The following LRIG2 variants were observed in gnomAD, a reference collection of about 807,000 sequenced individuals.
LRIG2 encodes leucine rich repeats and immunoglobulin like domains 2.
LRIG2 carries 93 observed loss-of-function variants against 107.8 expected under a neutral mutation model. The observed-to-expected ratio is 0.86, with a 90% CI of 0.73 to 1.03. LRIG2 has a LOEUF of 1.03. LRIG2 is among the 50% of genes least tolerant of loss of function. The pLI is 0.00. For synonymous variants in LRIG2, 471 were observed against 470.6 expected, an observed-to-expected ratio of 1.00 and a Z score of -0.01; for missense variants, 1,226 against 1,296.0, an observed-to-expected ratio of 0.95 and a Z score of 0.83.
intron 1 of LRIG2, among the ~76,000 whole-genome samples, chr1:113,091,114 AG>A (rs1384495977): frequency 1.3e-5 from 2 of 152,040 alleles, no homozygotes; most frequent in Non-Finnish European, 2.9e-5. Context: ...TTGTATTTTT[AG>A]TAGAGATGGT....
intron 1 of LRIG2, among the ~76,000 whole-genome samples, chr1:113,073,936 G>A (rs1489380265): frequency 7.2e-6 from 1 of 139,142 alleles, no homozygotes; most frequent in Admixed American, 7.9e-5. Context: ...TAATGGTAAG[G>A]ACTCACGGGT....
At chr1:113,100,606 A>C (rs866273454) in intron 11 of LRIG2, 118 bp downstream of exon 11, 2 of 602,184 alleles carry the variant, frequency 3.3e-6, no homozygotes, top group Non-Finnish European at 6.0e-6. Context: ...GGCAGGAAAA[A>C]AGAAAGTATT....
chr1:113,128,866 G>A lies in LRIG2; in HGVS notation c.*4765G>A, dbSNP rs1267228196. ...TGTGACTCACCTTTCTAATGTATTC[G>A]AAGTTATCCCTATAATTATATTACT... On this transcript the variant is annotated 3_prime_UTR_variant, in exon 18 of 18. Coordinates refer to ENST00000361127, the MANE Select transcript of LRIG2 (RefSeq NM_014813.3). 1.3e-5 allele frequency: 2 copies of A among 152,080 alleles called. No homozygotes were observed. Among genetic ancestry groups the A allele is most frequent in the Non-Finnish European group, 2.9e-5 (2 of 68,020 alleles). The allele number at this position is 152,080 out of a possible 1,614,324, so 9.4% of individuals were successfully genotyped here.
chr1:113,081,481 T>C (rs1157630347), intron 1 of LRIG2, among the ~76,000 whole-genome samples: 3 of 151,496 alleles, frequency 2.0e-5, no homozygotes, highest in East Asian at 3.9e-4. Context: ...CGCGCCACCA[T>C]ACCCAGCTAA....
intron 4 of LRIG2, among the ~76,000 whole-genome samples, 194 bp from the exon 5 acceptor site, chr1:113,094,145 T>C (rs1557904060): frequency 1.3e-5 from 2 of 152,244 alleles, no homozygotes; most frequent in African/African-American, 4.8e-5. Context: ...TGCTGTTTTG[T>C]AACAACCTAA....
At chr1:113,116,250 T>C in intron 15 of LRIG2, 37 bp from the exon 16 acceptor site, 1 of 1,577,630 alleles carries the variant, frequency 6.3e-7, no homozygotes. Flanking sequence ...TGGCTTCAAC[T>C]GCCTACCTTT....
At chr1:113,121,276 G>C (rs1234393523) in intron 17 of LRIG2, among the ~76,000 whole-genome samples, 4 of 152,202 alleles carry the variant, frequency 2.6e-5, no homozygotes, top group African/African-American at 9.7e-5. Flanking sequence ...CCCAGGAAAA[G>C]AAATATACAT....
chr1:113,118,724 G>A (rs1655118475), intron 16 of LRIG2, among the ~76,000 whole-genome samples: 1 of 152,010 alleles, frequency 6.6e-6, no homozygotes, highest in Admixed American at 6.6e-5. Context: ...GAGTGCAGTG[G>A]CGTGATCTCG....
rs1381724204 is a variant in LRIG2 at position 113,077,319 on chromosome 1, T to A, written c.239+3674T>A. Among the ~76,000 whole-genome samples the A allele has an allele frequency of 2.0e-5, 3 of 152,132 alleles. No individual in the cohort carries two copies. In the East Asian group the frequency reaches 5.8e-4, roughly 29 times the overall value. ...ACCATGCCCAGCTAATTTTTGTATT[T>A]TTAGTAGAGAAGGGGTTTTGCCATG... On this transcript the variant is annotated intron_variant, in intron 1 of 17. Coordinates refer to ENST00000361127, the MANE Select transcript of LRIG2 (RefSeq NM_014813.3).
At position 113,124,766 on chromosome 1, in the gene LRIG2, T is replaced by C. The variant is rs975871835; in HGVS notation, c.*665T>C. ...ATATGTGTTGGCTGCAATGTAAATA[T>C]TTTTGATATGCCAAAATTATATGTA... On this transcript the variant is annotated 3_prime_UTR_variant, in exon 18 of 18. Coordinates refer to ENST00000361127, the MANE Select transcript of LRIG2 (RefSeq NM_014813.3). 1.3e-5 allele frequency: 2 copies of C among 152,222 alleles called. No homozygotes were observed. The highest frequency in any genetic ancestry group is 2.1e-4 in the South Asian group (1 of 4,834). 9.4% of individuals were successfully genotyped at this position (152,222 alleles called of 1,614,324 possible).
At chr1:113,090,857 T>TAAA (rs1653785055) in intron 1 of LRIG2, among the ~76,000 whole-genome samples, 1 of 38,242 alleles carries the variant, frequency 2.6e-5, no homozygotes, top group Non-Finnish European at 8.1e-5. Flanking sequence ...ACAAAAAAAT[T>TAAA]TTTTTTTTTT....
chr1:113,102,999 G>A (rs949291879), intron 11 of LRIG2, among the ~76,000 whole-genome samples: 2 of 86,908 alleles, frequency 2.3e-5, no homozygotes, highest in Admixed American at 1.3e-4. Flanking sequence ...AGTATACTCC[G>A]CCCCCCTCCT....
intron 1 of LRIG2, among the ~76,000 whole-genome samples, chr1:113,076,838 G>T (rs1322091579): frequency 6.6e-6 from 1 of 152,024 alleles, no homozygotes; most frequent in Non-Finnish European, 1.5e-5. Context: ...AATATTATTT[G>T]ATCATTCAGA....
chr1:113,113,173 C>T (rs894232882), intron 14 of LRIG2, among the ~76,000 whole-genome samples: 4 of 145,044 alleles, frequency 2.8e-5, no homozygotes, highest in Non-Finnish European at 4.5e-5. Context: ...GACTATTTAA[C>T]TGTTTGCTCC....
At position 113,073,268 on chromosome 1, in the gene LRIG2, G is replaced by T; in HGVS notation, c.-139G>T. ...CGCTGTCGCGCTGCGTCTGCTCCTT[G>T]CATGCCTTTAGATGGTACAGCCTTC... On this transcript the variant is annotated 5_prime_UTR_variant, in exon 1 of 18. Transcript: ENST00000361127. The T allele has an allele frequency of 4.1e-6, 3 of 725,632 alleles. No homozygotes were observed. The highest frequency in any genetic ancestry group is 7.1e-6 in the Non-Finnish European group (3 of 420,642). 44.9% of individuals were successfully genotyped at this position (725,632 alleles called of 1,614,324 possible). A position where few individuals can be genotyped will look rare whatever the true frequency, so the allele number is the denominator to read the frequency against.
intron 1 of LRIG2, among the ~76,000 whole-genome samples, chr1:113,083,119 C>T (rs1653364215): frequency 2.0e-5 from 3 of 152,046 alleles, no homozygotes; most frequent in Admixed American, 2.0e-4. Flanking sequence ...CCATGTTGCC[C>T]AGGCTGGTCT....
chr1:113,074,724 T>C (rs926874031), intron 1 of LRIG2, among the ~76,000 whole-genome samples: 2 of 149,816 alleles, frequency 1.3e-5, no homozygotes, highest in African/African-American at 4.9e-5. Context: ...CTGGCCAACA[T>C]GGTGAAACCC....
Position 113,093,505 on chromosome 1 carries a change from C to G in LRIG2, c.456C>G (p.Ser152Arg). ...CTGCTCTGGAGAGTTTAGACCTCAG[C>G]TCAAATATAATATCAGAAATCAAGA... is the stretch of plus-strand genomic sequence containing the variant. ...FYPALESLDLSSNIISEIKTS... is the reference protein window; with the variant it reads ...FYPALESLDLRSNIISEIKTS... Residue 152 changes from serine to arginine, a missense_variant, in exon 4 of 18, where the codon AGC becomes AGG. Coordinates refer to ENST00000361127, the MANE Select transcript of LRIG2 (RefSeq NM_014813.3). 1 of 1,610,082 alleles carries G rather than the reference C, an allele frequency of 6.2e-7. No homozygotes were observed. The highest frequency in any genetic ancestry group is 8.5e-7 in the Non-Finnish European group (1 of 1,177,072).
At position 113,092,098 on chromosome 1, in the gene LRIG2, G is replaced by A. The variant is rs576730627; in HGVS notation, c.305+715G>A. Among the ~76,000 whole-genome samples, 4 of 152,280 alleles carry A rather than the reference G, an allele frequency of 2.6e-5. No individual in the cohort carries two copies. In the South Asian group the frequency reaches 8.3e-4, roughly 32 times the overall value. ...GCCCCAGATTCACTGCTTCTAATAC[G>A]TTGTGGATGAGTACACAGTTGACAA... is the stretch of plus-strand genomic sequence containing the variant. On this transcript the variant is annotated intron_variant, in intron 2 of 17. Coordinates refer to ENST00000361127, the MANE Select transcript of LRIG2 (RefSeq NM_014813.3).
Sources: gnomAD v4.1 joint callset for allele counts (sites outside exome capture counted in the v4.1 genomes callset) on GRCh38, gnomAD v4.1.1 for gene constraint, MANE v1.5 for transcripts, NCBI Gene and HGNC (gene_info 2026-07-23, HGNC 2026-07-21) for gene names.